The following RTN1 variants were observed in gnomAD, a reference collection of about 807,000 sequenced individuals.
RTN1 encodes the protein reticulon-1.
In RTN1, 25 loss-of-function variants were observed where a neutral mutation model predicts 65.5. The ratio of observed to expected loss-of-function variants is 0.38; its 90% CI spans 0.28 to 0.53. The LOEUF is 0.53. RTN1 is among the 20% of genes least tolerant of loss of function. The pLI is 0.79. For synonymous variants in RTN1, 471 were observed against 447.6 expected (o/e 1.05, Z -0.66); for missense variants, 983 against 1,025.4 (o/e 0.96, Z 0.57).
chr14:59,696,433 G>T (rs1884064220), intron 3 of RTN1, among the ~76,000 whole-genome samples: 1 of 151,606 alleles, frequency 6.6e-6, no homozygotes, highest in African/African-American at 2.4e-5. Flanking sequence ...TATATTCTCA[G>T]GTCTTTGTTG....
chr14:59,658,222 A>G (rs1006193590), intron 3 of RTN1, among the ~76,000 whole-genome samples: 2 of 152,228 alleles, frequency 1.3e-5, no homozygotes, highest in Non-Finnish European at 2.9e-5. Flanking sequence ...TGGGCATGGC[A>G]TCTCTGAAAG....
At chr14:59,668,557 C>T (rs367797418) in intron 3 of RTN1, among the ~76,000 whole-genome samples, 6 of 151,970 alleles carry the variant, frequency 3.9e-5, no homozygotes, top group Non-Finnish European at 8.8e-5. Flanking sequence ...GGACTTCATG[C>T]CTAAAACACC....
chr14:59,759,660 T>C (rs1021691625), intron 1 of RTN1, among the ~76,000 whole-genome samples: 30 of 151,252 alleles, frequency 2.0e-4, no homozygotes, highest in African/African-American at 7.3e-4. Context: ...GTTCCCCTAA[T>C]ATATAAAGAG....
rs1887008687 is a variant in RTN1 at position 59,825,164 on chromosome 14, C to G, written c.241+45226G>C. Among the ~76,000 whole-genome samples, 1 of 152,178 alleles carries G rather than the reference C, an allele frequency of 6.6e-6. No individual in the cohort carries two copies. Among genetic ancestry groups the G allele is most frequent in the Non-Finnish European group, 1.5e-5 (1 of 68,030 alleles). ...GCATTGTAGAATCTTTACCAACATC[C>G]CTAGCCTCTACCGACTAGGTGCCAA... On this transcript the variant is annotated intron_variant, in intron 1 of 8. Transcript: ENST00000267484. This position sits in a 1 kb window ranked among gnomAD's most constrained non-coding sequence, Gnocchi z 4.2.
intron 3 of RTN1, among the ~76,000 whole-genome samples, chr14:59,633,645 AG>A (rs1343420762): frequency 6.6e-6 from 1 of 152,260 alleles, no homozygotes; most frequent in Non-Finnish European, 1.5e-5. Context: ...AAAAGTAGGC[AG>A]GAACTGCCAC....
At chr14:59,743,187 G>T (rs1031408325) in intron 2 of RTN1, among the ~76,000 whole-genome samples, 3 of 152,210 alleles carry the variant, frequency 2.0e-5, no homozygotes, top group African/African-American at 7.2e-5. Flanking sequence ...ATGTGAGCCA[G>T]ATCTGCCTTT....
In RTN1 at chr14:59,727,576, T is replaced by G. The variant is rs1432167806; in HGVS notation, c.1108A>C (p.Thr370Pro). The change falls in exon 3 of 9, where the codon ACC (threonine) becomes CCC (proline). Residue 370 changes from threonine (T) to proline (P), a missense_variant. Transcript: ENST00000267484. The surrounding 1 kb of genome is among the most constrained non-coding windows in gnomAD (Gnocchi z 4.2). ...CCCACCGGCCGTGGGTTCTCGGCGG[T>G]TTCATACGATAATCCCTTTGCTTCT... is the stretch of plus-strand genomic sequence containing the variant. ...IKEAKGLSYETAENPRPVGQL... is the reference protein window; with the variant it reads ...IKEAKGLSYEPAENPRPVGQL... 1 of 1,612,054 alleles carries G rather than the reference T, an allele frequency of 6.2e-7. No individual in the cohort carries two copies. Among genetic ancestry groups the G allele is most frequent in the Non-Finnish European group, 8.5e-7 (1 of 1,179,600 alleles).
intron 3 of RTN1, among the ~76,000 whole-genome samples, chr14:59,681,797 G>A (rs143961249): frequency 6.2e-4 from 95 of 152,208 alleles, no homozygotes; most frequent in Non-Finnish European, 9.4e-4. Context: ...AGAACACAAG[G>A]ATCATCCCAG....
chr14:59,705,967 C>T (rs1399316819), intron 3 of RTN1, among the ~76,000 whole-genome samples: 3 of 152,158 alleles, frequency 2.0e-5, no homozygotes, highest in African/African-American at 7.2e-5. Context: ...TTCCAAGGCA[C>T]AGAAAGCGGC....
rs886165550 is a variant in RTN1 at position 59,836,018 on chromosome 14, A to G, written c.241+34372T>C. ...TGCCTTTTTCCAGGTCCTTGGCTCT[A>G]TTCTTCCCTCCCATCACTTCAATTC... On this transcript the variant is annotated intron_variant, in intron 1 of 8. Coordinates refer to ENST00000267484, the MANE Select transcript of RTN1 (RefSeq NM_021136.3). This position sits in a 1 kb window ranked among gnomAD's most constrained non-coding sequence, Gnocchi z 4.9. Among the ~76,000 whole-genome samples, 4 of 152,050 alleles carry G rather than the reference A, an allele frequency of 2.6e-5. No individual in the cohort carries two copies. Among genetic ancestry groups the G allele is most frequent in the Non-Finnish European group, 5.9e-5 (4 of 68,020 alleles).
chr14:59,669,507 A>G (rs1883455210), intron 3 of RTN1, among the ~76,000 whole-genome samples: 1 of 152,178 alleles, frequency 6.6e-6, no homozygotes, highest in African/African-American at 2.4e-5. Context: ...TCTAATTTAA[A>G]TGATGAGTTG....
At chr14:59,687,767 AG>A (rs750405618) in intron 3 of RTN1, among the ~76,000 whole-genome samples, 42 of 151,956 alleles carry the variant, frequency 2.8e-4, no homozygotes, top group Non-Finnish European at 5.4e-4. Flanking sequence ...ATCCTGGTAC[AG>A]GGGGGTCCTC....
intron 1 of RTN1, among the ~76,000 whole-genome samples, chr14:59,793,550 ATG>A (rs962575624): frequency 6.6e-6 from 1 of 151,874 alleles, no homozygotes. Context: ...AAGTATGTGT[ATG>A]TGTGTGTTTC....
intron 1 of RTN1, among the ~76,000 whole-genome samples, chr14:59,840,208 T>C (rs970672629): frequency 6.6e-6 from 1 of 152,200 alleles, no homozygotes; most frequent in Non-Finnish European, 1.5e-5. Flanking sequence ...CAGACTTTTA[T>C]TGATAGTGAA....
intron 1 of RTN1, among the ~76,000 whole-genome samples, chr14:59,801,804 T>C (rs1886551678): frequency 6.6e-6 from 1 of 152,198 alleles, no homozygotes; most frequent in Non-Finnish European, 1.5e-5. Context: ...CTATGATAAG[T>C]TAAAGTCTTC....
chr14:59,745,849 C>T lies in RTN1; in HGVS notation c.874G>A (p.Val292Ile). 1 of 1,614,050 alleles carries T rather than the reference C, an allele frequency of 6.2e-7. No individual in the cohort carries two copies. Among genetic ancestry groups the T allele is most frequent in the Non-Finnish European group, 8.5e-7 (1 of 1,180,016 alleles). The change falls in exon 2 of 9, where the codon GTT becomes ATT. Residue 292 changes from valine (V) to isoleucine (I), a missense_variant. Val to Ile is a conservative substitution (Grantham distance 29). This residue lies in a region of RTN1 where 818 missense variants were observed against 801.8 expected (regional missense o/e 1.02). Coordinates refer to ENST00000267484, the MANE Select transcript of RTN1 (RefSeq NM_021136.3). ...GTCTTCTCTTGGGTAGTGGTTTCAA[C>T]AGAAGGTTCTATTTCCGTCAGTGTG... Reference protein sequence around the residue: ...KITLTEIEPSVETTTQEKTPE... With the variant: ...KITLTEIEPSIETTTQEKTPE...
chr14:59,670,193 C>T (rs1307308608), intron 3 of RTN1, among the ~76,000 whole-genome samples: 2 of 152,208 alleles, frequency 1.3e-5, no homozygotes, highest in Admixed American at 1.3e-4. Context: ...AAGTTCCCCA[C>T]TCAAAGTTTC....
intron 3 of RTN1, among the ~76,000 whole-genome samples, chr14:59,665,979 C>A: frequency 6.6e-6 from 1 of 152,094 alleles, no homozygotes; most frequent in East Asian, 1.9e-4. Context: ...TAGACGCCCA[C>A]GCAATAATAA....
intron 3 of RTN1, among the ~76,000 whole-genome samples, chr14:59,661,423 A>T (rs867746631): frequency 1.3e-5 from 2 of 152,154 alleles, no homozygotes; most frequent in African/African-American, 2.4e-5. Context: ...CATCCTGATA[A>T]CAAAACCTGG....
Sources: gnomAD v4.1 joint callset for allele counts (sites outside exome capture counted in the v4.1 genomes callset) on GRCh38, gnomAD v4.1.1 for gene constraint, gnomAD v4.1.1 regional missense constraint, Gnocchi (gnomAD v3.1) non-coding constraint, MANE v1.5 for transcripts, NCBI Gene and HGNC (gene_info 2026-07-23, HGNC 2026-07-21) for gene names.